Variants in RALYL observed in about 807,000 individuals in gnomAD.
The protein encoded by RALYL is RALY RNA binding protein like.
RALYL carries 29 observed loss-of-function variants against 35.1 expected under a neutral mutation model. The observed-to-expected ratio is 0.83, with a 90% CI of 0.61 to 1.13. RALYL has a LOEUF of 1.13. Ranked by LOEUF, RALYL falls within the 50% of genes most tolerant of loss-of-function variation. The pLI is 0.00. For synonymous variants in RALYL, 120 were observed against 127.6 expected (o/e 0.94, Z 0.40); for missense variants, 359 against 360.4 (o/e 1.00, Z 0.03).
intron 8 of RALYL, among the ~76,000 whole-genome samples, chr8:84,894,746 G>T (rs953575473): frequency 2.6e-5 from 4 of 152,160 alleles, no homozygotes; most frequent in African/African-American, 7.2e-5. Flanking sequence ...TGATCCCTTT[G>T]TAATAAGTGT....
At chr8:84,229,560 A>C (rs1373412590) in intron 1 of RALYL, among the ~76,000 whole-genome samples, 1 of 152,160 alleles carries the variant, frequency 6.6e-6, no homozygotes, top group Non-Finnish European at 1.5e-5. Flanking sequence ...GTCGACATTA[A>C]CTTCCAGTCC....
At chr8:84,321,483 C>T (rs1375128155) in intron 1 of RALYL, among the ~76,000 whole-genome samples, 1 of 152,066 alleles carries the variant, frequency 6.6e-6, no homozygotes, top group South Asian at 2.1e-4. Flanking sequence ...TATGGAATAA[C>T]ACAAAAGTGA....
intron 1 of RALYL, among the ~76,000 whole-genome samples, chr8:84,351,683 A>C (rs1451062475): frequency 1.3e-5 from 2 of 149,734 alleles, no homozygotes; most frequent in Non-Finnish European, 3.0e-5. Context: ...TCTTAAGACT[A>C]CCTTGTTTTT....
chr8:84,217,850 C>T (rs894631441), intron 1 of RALYL, among the ~76,000 whole-genome samples: 2 of 152,084 alleles, frequency 1.3e-5, no homozygotes, highest in African/African-American at 4.8e-5. Flanking sequence ...CAAACTAGTT[C>T]TCCTCATTGA....
intron 4 of RALYL, among the ~76,000 whole-genome samples, chr8:84,838,692 T>C (rs1166719807): frequency 6.6e-6 from 1 of 152,110 alleles, no homozygotes; most frequent in African/African-American, 2.4e-5. Context: ...GCAGTCAGGA[T>C]TGAACAAAAA....
chr8:84,606,697 G>C (rs1038102182), intron 2 of RALYL, among the ~76,000 whole-genome samples: 2 of 152,118 alleles, frequency 1.3e-5, no homozygotes, highest in African/African-American at 4.8e-5. Context: ...ATGTTGAATG[G>C]CTGGGAATTC....
chr8:84,836,472 G>A (rs903765457), intron 4 of RALYL, among the ~76,000 whole-genome samples: 2 of 152,104 alleles, frequency 1.3e-5, no homozygotes, highest in Non-Finnish European at 2.9e-5. Flanking sequence ...CATTACAAAG[G>A]TCCTTGAAAA....
intron 7 of RALYL, among the ~76,000 whole-genome samples, chr8:84,880,317 A>G (rs975435186): frequency 6.6e-6 from 1 of 152,122 alleles, no homozygotes. Context: ...ATGGTCAGGA[A>G]GAAACCTACC....
chr8:84,367,341 T>G (rs1428916416), intron 1 of RALYL, among the ~76,000 whole-genome samples: 19 of 68,090 alleles, frequency 2.8e-4, no homozygotes, highest in African/African-American at 1.1e-3. Flanking sequence ...TTTTTTTTTT[T>G]TTTTTTTTTT....
At chr8:84,193,257 A>G (rs1814427775) in intron 1 of RALYL, among the ~76,000 whole-genome samples, 1 of 152,176 alleles carries the variant, frequency 6.6e-6, no homozygotes. Flanking sequence ...AGTAAGGAAA[A>G]TATGAATGCA....
intron 2 of RALYL, among the ~76,000 whole-genome samples, chr8:84,711,995 C>CT (rs1335780130): frequency 6.6e-6 from 1 of 152,004 alleles, no homozygotes; most frequent in African/African-American, 2.4e-5. Flanking sequence ...GGTTTTAAAA[C>CT]TTTTTTTAAG....
intron 2 of RALYL, among the ~76,000 whole-genome samples, chr8:84,605,857 C>G (rs1042801237): frequency 2.0e-5 from 3 of 152,094 alleles, no homozygotes; most frequent in African/African-American, 7.2e-5. Context: ...CTATGATGCT[C>G]GTGGCTAAGT....
chr8:84,470,944 G>A (rs952284733), intron 1 of RALYL, among the ~76,000 whole-genome samples: 3 of 152,140 alleles, frequency 2.0e-5, no homozygotes, highest in African/African-American at 7.2e-5. Flanking sequence ...CAGATGTCAT[G>A]TTACTATGGG....
At chr8:84,296,385 T>C (rs986976644) in intron 1 of RALYL, among the ~76,000 whole-genome samples, 1 of 152,140 alleles carries the variant, frequency 6.6e-6, no homozygotes, top group Non-Finnish European at 1.5e-5. Flanking sequence ...ATTATCTTAG[T>C]GAGCAGTACT....
rs1485076158 is a variant in RALYL, at chr8:84,421,938, G to T, written c.-23-107361G>T. Among the ~76,000 whole-genome samples, 136 of 151,868 alleles carry T rather than the reference G, an allele frequency of 9.0e-4. 4 individuals are homozygous for T. The South Asian group carries it at 0.018, about 20-fold the overall frequency. Reference sequence around the variant, plus strand: ...GGATAAGCTTTTTGATGTGCTGCTGGATTCGGTTTGCCAGTATTTTATTGA... The same window carrying T: ...GGATAAGCTTTTTGATGTGCTGCTGTATTCGGTTTGCCAGTATTTTATTGA... On this transcript the variant is annotated intron_variant, in intron 1 of 8. Coordinates refer to ENST00000521268, the MANE Select transcript of RALYL (RefSeq NM_173848.7).
At chr8:84,242,007 C>A (rs10088997) in intron 1 of RALYL, among the ~76,000 whole-genome samples, 11,621 of 152,112 alleles carry the variant, frequency 0.076, 507 homozygotes, top group Middle Eastern at 0.11. Flanking sequence ...CTTCCTCCCT[C>A]CCACACCCCC....
intron 1 of RALYL, among the ~76,000 whole-genome samples, chr8:84,428,874 A>C (rs1381613674): frequency 1.3e-5 from 2 of 152,198 alleles, no homozygotes; most frequent in Non-Finnish European, 2.9e-5. Context: ...CTATTAATAC[A>C]TTATGACTTA....
intron 1 of RALYL, among the ~76,000 whole-genome samples, chr8:84,401,482 C>CA (rs2042888876): frequency 6.6e-6 from 1 of 151,152 alleles, no homozygotes; most frequent in South Asian, 2.1e-4. Flanking sequence ...ACTAAAAATA[C>CA]AAAAAATTAG....
At chr8:84,407,461 A>T (rs115158185) in intron 1 of RALYL, among the ~76,000 whole-genome samples, 2,130 of 152,278 alleles carry the variant, frequency 0.014, 50 homozygotes, top group African/African-American at 0.048. Flanking sequence ...TTCTTATTCA[A>T]TTATCAACAA....
Sources: gnomAD v4.1 joint callset for allele counts (sites outside exome capture counted in the v4.1 genomes callset) on GRCh38, gnomAD v4.1.1 for gene constraint, MANE v1.5 for transcripts, NCBI Gene and HGNC (gene_info 2026-07-23, HGNC 2026-07-21) for gene names.